GABRB2: variants seen among roughly 807,000 people sequenced by gnomAD.
GABRB2 encodes gamma-aminobutyric acid receptor subunit beta-2.
Under a neutral mutation model 54.7 loss-of-function variants are expected in GABRB2, and 16 were observed. That is an observed-to-expected ratio of 0.29 (90% CI 0.20 to 0.44). The LOEUF is 0.44. Among genes scored for constraint, GABRB2 ranks in the 20% least tolerant of loss-of-function variants. The pLI, the probability that GABRB2 is intolerant of heterozygous loss-of-function variation, is 1.00. For missense variants in GABRB2, 355 were observed against 644.0 expected, an observed-to-expected ratio of 0.55 and a Z score of 4.86; for synonymous variants, 244 against 233.8, an observed-to-expected ratio of 1.04 and a Z score of -0.40.
chr5:161,421,354 A>G (rs923557634), intron 4 of GABRB2, among the ~76,000 whole-genome samples: 6 of 152,176 alleles, frequency 3.9e-5, no homozygotes, highest in Admixed American at 1.3e-4. Flanking sequence ...AGCGACCCCC[A>G]GATAACTGAA....
At position 161,387,092 on chromosome 5, in the gene GABRB2, C is replaced by T. The variant is rs73797596; in HGVS notation, c.541+23883G>A. ...AGTTTTTATATTTATATATCATGAT[C>T]AAATAGAAATGCAATATTTTGTAAT... On this transcript the variant is annotated intron_variant, in intron 5 of 9. Transcript: ENST00000393959. 4.4e-3 allele frequency among the ~76,000 whole-genome samples: 665 copies of T among 151,966 alleles called. 8 individuals carry two copies. Among genetic ancestry groups the T allele is most frequent in the African/African-American group, 0.014 (590 of 41,450 alleles).
chr5:161,509,172 C>A (rs1443548904), intron 3 of GABRB2, among the ~76,000 whole-genome samples: 1 of 151,792 alleles, frequency 6.6e-6, no homozygotes, highest in Non-Finnish European at 1.5e-5. Flanking sequence ...TTAAAGCATC[C>A]CAACAACCAG....
intron 3 of GABRB2, among the ~76,000 whole-genome samples, chr5:161,507,520 G>T (rs957110947): frequency 3.9e-5 from 6 of 151,966 alleles, no homozygotes; most frequent in African/African-American, 1.4e-4. Context: ...AAGTGAGTAG[G>T]CATGTCAAAG....
At position 161,516,352 on chromosome 5, in the gene GABRB2, G is replaced by T. The variant is rs561913444; in HGVS notation, c.237+28875C>A. Among the ~76,000 whole-genome samples the T allele has an allele frequency of 2.0e-5, 3 of 152,140 alleles. No homozygotes were observed. The East Asian group carries it at 5.8e-4, about 29-fold the overall frequency. On this transcript the variant is annotated intron_variant, in intron 3 of 9. Transcript: ENST00000393959. Reference sequence around the variant, plus strand: ...ACAACCCCAAGAGGTAGGTATTATTGCCACCCCTGCTTTGCAGATGAGGAA... The same window carrying T: ...ACAACCCCAAGAGGTAGGTATTATTTCCACCCCTGCTTTGCAGATGAGGAA...
chr5:161,349,306 T>C (rs1754403704), intron 5 of GABRB2, among the ~76,000 whole-genome samples: 1 of 152,098 alleles, frequency 6.6e-6, no homozygotes, highest in Non-Finnish European at 1.5e-5. Flanking sequence ...AAATGATTAT[T>C]AAGATATTGA....
chr5:161,319,666 C>A (rs543257407), intron 9 of GABRB2, among the ~76,000 whole-genome samples: 2 of 151,334 alleles, frequency 1.3e-5, no homozygotes, highest in East Asian at 1.9e-4. Context: ...ACCTTATTTA[C>A]GTTATGTGAC....
At chr5:161,375,266 G>T (rs1452872340) in intron 5 of GABRB2, among the ~76,000 whole-genome samples, 1 of 152,162 alleles carries the variant, frequency 6.6e-6, no homozygotes, top group East Asian at 1.9e-4. Context: ...CAAAGAATTG[G>T]CCAGGGGACT....
intron 3 of GABRB2, among the ~76,000 whole-genome samples, chr5:161,539,819 G>A (rs1203552037): frequency 6.6e-6 from 1 of 152,206 alleles, no homozygotes; most frequent in Non-Finnish European, 1.5e-5. Flanking sequence ...GCATACAGAA[G>A]TTATGTTTAC....
chr5:161,528,388 C>T (rs2113448368), intron 3 of GABRB2, among the ~76,000 whole-genome samples: 1 of 151,558 alleles, frequency 6.6e-6, no homozygotes, highest in East Asian at 1.9e-4. Flanking sequence ...TAAAAATATG[C>T]CAGAATATTA....
At chr5:161,415,859 T>C (rs2962424) in intron 4 of GABRB2, among the ~76,000 whole-genome samples, 139,838 of 152,206 alleles carry the variant, frequency 0.92, 64,334 homozygotes, top group East Asian at 0.98. Flanking sequence ...GTGATCCACT[T>C]GCCCCAGCCT....
intron 3 of GABRB2, among the ~76,000 whole-genome samples, chr5:161,495,883 CAT>C (rs1418730974): frequency 6.6e-6 from 1 of 152,138 alleles, no homozygotes; most frequent in Admixed American, 6.6e-5. Context: ...GATAAGCTGG[CAT>C]GCTTCCTTTG....
chr5:161,525,728 A>C (rs17522737), intron 3 of GABRB2, among the ~76,000 whole-genome samples: 1 of 151,022 alleles, frequency 6.6e-6, no homozygotes, highest in African/African-American at 2.4e-5. Flanking sequence ...CAAGGACATA[A>C]TTCTTTCAAA....
chr5:161,438,588 G>A (rs1198909541), intron 4 of GABRB2, among the ~76,000 whole-genome samples: 1 of 152,122 alleles, frequency 6.6e-6, no homozygotes, highest in Non-Finnish European at 1.5e-5. Flanking sequence ...AAAGAGAGAT[G>A]TGTGACCTTT....
intron 3 of GABRB2, among the ~76,000 whole-genome samples, chr5:161,512,285 A>G (rs964508180): frequency 1.6e-4 from 25 of 152,200 alleles, no homozygotes; most frequent in African/African-American, 5.5e-4. Flanking sequence ...AGCCCAGGCA[A>G]TACTAAGCAA....
rs563845892 is a variant in GABRB2, at chr5:161,495,791, G to A, written c.238-35947C>T. On this transcript the variant is annotated intron_variant, in intron 3 of 9. Transcript: ENST00000393959. ...CTGTGTGAGACTTCCTCATGAGGTG[G>A]CAGCACACAAGAAAGGGATTTTGTA... Among the ~76,000 whole-genome samples the A allele has an allele frequency of 7.9e-5, 12 of 152,188 alleles. No individual in the cohort carries two copies. The South Asian group carries it at 2.3e-3, about 29-fold the overall frequency.
chr5:161,358,541 C>T (rs1249277398), intron 5 of GABRB2, among the ~76,000 whole-genome samples: 1 of 152,012 alleles, frequency 6.6e-6, no homozygotes, highest in East Asian at 1.9e-4. Flanking sequence ...AGTAAAAAAA[C>T]GATGGTGTGG....
In GABRB2 at chr5:161,289,938, A is replaced by G. The variant is rs911885973; in HGVS notation, c.*4143T>C. On this transcript the variant is annotated 3_prime_UTR_variant, in exon 10 of 10. Coordinates refer to ENST00000393959, the MANE Select transcript of GABRB2 (RefSeq NM_001371727.1). ...CACTGCAGTAATAGTACTTAGTAAA[A>G]AATAAATAAAAATTAAGAAAAAAAC... 6.6e-6 allele frequency: 1 copy of G among 152,276 alleles called. No homozygotes were observed. The highest frequency in any genetic ancestry group is 2.4e-5 in the African/African-American group (1 of 41,436). 9.4% of individuals were successfully genotyped at this position (152,276 alleles called of 1,614,324 possible).
chr5:161,425,439 C>G (rs1422291011), intron 4 of GABRB2, among the ~76,000 whole-genome samples: 2 of 151,990 alleles, frequency 1.3e-5, no homozygotes, highest in East Asian at 3.8e-4. Flanking sequence ...GGCAAGGCTC[C>G]CCACCTCCAA....
At chr5:161,316,898 C>A (rs1022467829) in intron 9 of GABRB2, among the ~76,000 whole-genome samples, 5 of 152,092 alleles carry the variant, frequency 3.3e-5, no homozygotes, top group Non-Finnish European at 5.9e-5. Context: ...AGCTGTGAGC[C>A]CTTTCATTCT....
Sources: gnomAD v4.1 joint callset for allele counts (sites outside exome capture counted in the v4.1 genomes callset) on GRCh38, gnomAD v4.1.1 for gene constraint, MANE v1.5 for transcripts, NCBI Gene and HGNC (gene_info 2026-07-23, HGNC 2026-07-21) for gene names.